Variants in ATRNL1 observed in about 807,000 individuals in gnomAD.
ATRNL1 encodes the protein attractin like 1, also known as attractin-like protein 1.
In ATRNL1, 95 loss-of-function variants were observed where a neutral mutation model predicts 182.7. The observed-to-expected ratio is 0.52, with a 90% CI of 0.44 to 0.62. ATRNL1 has a LOEUF of 0.62. Ranked by LOEUF, ATRNL1 falls within the 20% of genes least tolerant of loss-of-function variation. The pLI is 0.00. For missense variants in ATRNL1, 1,471 were observed against 1,679.5 expected (o/e 0.88, Z 2.17); for synonymous variants, 576 against 568.3 (o/e 1.01, Z -0.19).
intron 26 of ATRNL1, among the ~76,000 whole-genome samples, chr10:115,696,238 T>A (rs1413740068): frequency 6.6e-6 from 1 of 152,212 alleles, no homozygotes; most frequent in Non-Finnish European, 1.5e-5. Flanking sequence ...GATGCTCATT[T>A]AGGTTGATTC....
chr10:115,321,611 T>C (rs1167200952), intron 18 of ATRNL1, among the ~76,000 whole-genome samples: 3 of 152,018 alleles, frequency 2.0e-5, no homozygotes, highest in African/African-American at 4.8e-5. Flanking sequence ...TGGTAATGAA[T>C]TTCCTGTTTT....
chr10:115,874,394 G>T (rs1279190278), intron 28 of ATRNL1, among the ~76,000 whole-genome samples: 3 of 152,116 alleles, frequency 2.0e-5, no homozygotes, highest in South Asian at 2.1e-4. Context: ...CTTGTCTTAG[G>T]TTGCCATCCA....
intron 26 of ATRNL1, among the ~76,000 whole-genome samples, chr10:115,722,305 A>G (rs991651405): frequency 2.0e-5 from 3 of 152,178 alleles, no homozygotes; most frequent in African/African-American, 7.2e-5. Context: ...TGTTTTTCCA[A>G]ACCACTCCCA....
chr10:115,201,681 T>C (rs533092732), intron 8 of ATRNL1, among the ~76,000 whole-genome samples: 3,290 of 152,254 alleles, frequency 0.022, 56 homozygotes, highest in Non-Finnish European at 0.033. Flanking sequence ...TCCAGCTTTG[T>C]TCTTTTGGCT....
intron 27 of ATRNL1, among the ~76,000 whole-genome samples, chr10:115,778,101 C>T (rs928947010): frequency 2.0e-5 from 3 of 152,086 alleles, no homozygotes; most frequent in Admixed American, 1.3e-4. Context: ...AACTTTTAGC[C>T]GCAATCAGCT....
intron 26 of ATRNL1, among the ~76,000 whole-genome samples, chr10:115,553,907 T>G (rs1853152905): frequency 6.6e-6 from 1 of 151,496 alleles, no homozygotes; most frequent in Non-Finnish European, 1.5e-5. Flanking sequence ...TAGCAGTGTT[T>G]TATAAATTAA....
At chr10:115,708,644 T>G (rs574954920) in intron 26 of ATRNL1, among the ~76,000 whole-genome samples, 1 of 151,810 alleles carries the variant, frequency 6.6e-6, no homozygotes, top group African/African-American at 2.4e-5. Flanking sequence ...CATCATTGTC[T>G]GAAGGTATGC....
chr10:115,920,811 C>T (rs961264257), intron 28 of ATRNL1, among the ~76,000 whole-genome samples: 5 of 152,006 alleles, frequency 3.3e-5, no homozygotes, highest in African/African-American at 4.8e-5. Context: ...CCCAGTATTA[C>T]GTAGATATTA....
At chr10:115,151,454 G>C (rs1846224307) in intron 5 of ATRNL1, among the ~76,000 whole-genome samples, 1 of 152,152 alleles carries the variant, frequency 6.6e-6, no homozygotes, top group African/African-American at 2.4e-5. Flanking sequence ...GTTTTGATTT[G>C]CATTTCTCTG....
chr10:115,819,661 C>T (rs897767443), intron 27 of ATRNL1, among the ~76,000 whole-genome samples: 1 of 151,976 alleles, frequency 6.6e-6, no homozygotes, highest in African/African-American at 2.4e-5. Flanking sequence ...CTATCTCTGT[C>T]CCTCTCAGTA....
chr10:115,181,477 C>T (rs1387181438), intron 8 of ATRNL1, among the ~76,000 whole-genome samples: 1 of 151,636 alleles, frequency 6.6e-6, no homozygotes, highest in African/African-American at 2.4e-5. Context: ...ACAAAGAGAA[C>T]ATTTACTTGT....
chr10:115,600,298 A>G (rs1555015494), intron 26 of ATRNL1, among the ~76,000 whole-genome samples: 1 of 152,286 alleles, frequency 6.6e-6, no homozygotes, highest in Non-Finnish European at 1.5e-5. Flanking sequence ...TTTACTGTAA[A>G]TATGTTTGAT....
At chr10:115,285,301 G>A (rs1852555713) in intron 14 of ATRNL1, among the ~76,000 whole-genome samples, 2 of 151,990 alleles carry the variant, frequency 1.3e-5, no homozygotes, top group African/African-American at 4.8e-5. Flanking sequence ...GAAGTTCTGT[G>A]GGACCCTCAA....
At chr10:115,667,668 C>G (rs1352183053) in intron 26 of ATRNL1, among the ~76,000 whole-genome samples, 1 of 150,110 alleles carries the variant, frequency 6.7e-6, no homozygotes. Context: ...TTTTTTTCCT[C>G]CTTTGAGATA....
At chr10:115,196,257 C>T (rs1743523312) in intron 8 of ATRNL1, among the ~76,000 whole-genome samples, 1 of 152,032 alleles carries the variant, frequency 6.6e-6, no homozygotes, top group South Asian at 2.1e-4. Context: ...AATCAATTGG[C>T]CATATATGTG....
intron 24 of ATRNL1, among the ~76,000 whole-genome samples, chr10:115,480,295 A>G (rs1201134610): frequency 1.3e-5 from 2 of 150,946 alleles, no homozygotes; most frequent in African/African-American, 2.4e-5. Flanking sequence ...TATACATATG[A>G]TTTGAAAAGT....
intron 26 of ATRNL1, among the ~76,000 whole-genome samples, chr10:115,682,542 A>G (rs1593060445): frequency 1.3e-5 from 2 of 151,410 alleles, no homozygotes; most frequent in African/African-American, 4.9e-5. Context: ...TGCCATCTCA[A>G]ACAAAACGAA....
chr10:115,448,705 C>CAAA (rs370934991), intron 21 of ATRNL1, among the ~76,000 whole-genome samples: 6 of 142,666 alleles, frequency 4.2e-5, no homozygotes, highest in African/African-American at 1.5e-4. Context: ...AAGACGCACA[C>CAAA]AAAAAAAAAA....
intron 5 of ATRNL1, among the ~76,000 whole-genome samples, chr10:115,132,883 C>T (rs1314445349): frequency 2.0e-5 from 3 of 152,138 alleles, no homozygotes; most frequent in Non-Finnish European, 2.9e-5. Flanking sequence ...CTGTAGGTTG[C>T]GTTTTCACTC....
Sources: allele counts gnomAD v4.1 joint callset (sites outside exome capture counted in the v4.1 genomes callset), GRCh38; gene constraint gnomAD v4.1.1; transcripts MANE v1.5; gene names NCBI Gene and HGNC (gene_info 2026-07-23, HGNC 2026-07-21).